The following CACNA1D variants were observed in gnomAD, a reference collection of about 807,000 sequenced individuals.
CACNA1D encodes the protein calcium voltage-gated channel subunit alpha1 D, also known as voltage-dependent L-type calcium channel subunit alpha-1D.
CACNA1D carries 55 observed loss-of-function variants against 257.1 expected under a neutral mutation model. The ratio of observed to expected loss-of-function variants is 0.21; its 90% confidence interval spans 0.17 to 0.27. The LOEUF (loss-of-function observed/expected upper bound fraction) is 0.27. Among genes scored for constraint, CACNA1D ranks in the 10% least tolerant of loss-of-function variants. CACNA1D has a pLI of 1.00. For synonymous variants in CACNA1D, 980 were observed against 1,014.9 expected (o/e 0.97, Z 0.65); for missense variants, 1,876 against 2,784.0 (o/e 0.67, Z 7.34).
intron 3 of CACNA1D, among the ~76,000 whole-genome samples, chr3:53,549,200 A>T (rs1271941342): frequency 6.6e-6 from 1 of 152,206 alleles, no homozygotes; most frequent in African/African-American, 2.4e-5. Context: ...GGCTGAGTAT[A>T]GTAGGCATTT....
At chr3:53,740,798 CT>C (rs1406589980) in intron 21 of CACNA1D, among the ~76,000 whole-genome samples, 1 of 152,128 alleles carries the variant, frequency 6.6e-6, no homozygotes, top group Non-Finnish European at 1.5e-5. Flanking sequence ...TATGTGTGAA[CT>C]TTTTTCCACC....
chr3:53,541,139 A>G (rs368052246), intron 3 of CACNA1D, among the ~76,000 whole-genome samples: 3 of 152,208 alleles, frequency 2.0e-5, no homozygotes, highest in East Asian at 3.8e-4. Flanking sequence ...TTTTGCGAGT[A>G]CATCTATAAA....
chr3:53,774,716 G>T lies in CACNA1D; in HGVS notation c.4202+38G>T. ...GGCTTGGGCGGTGCTCCTGGGCAGG[G>T]GGGTCCGCTAGGCGTGGGTCCAGAG... On this transcript the variant is annotated intron_variant, in intron 34 of 47. Transcript: ENST00000350061. This position sits in a 1 kb window ranked among gnomAD's most constrained non-coding sequence, Gnocchi z 4.3. 1.6e-6 allele frequency: 2 copies of T among 1,253,256 alleles called. No individual in the cohort carries two copies. Among genetic ancestry groups the T allele is most frequent in the Non-Finnish European group, 2.4e-6 (2 of 850,612 alleles). The allele number at this position is 1,253,256 out of a possible 1,614,324, so 77.6% of individuals were successfully genotyped here.
rs115568933 is a variant in CACNA1D, at chr3:53,601,140, G to A, written c.484-49639G>A. On this transcript the variant is annotated intron_variant, in intron 3 of 47. Coordinates refer to ENST00000350061, the MANE Select transcript of CACNA1D (RefSeq NM_001128840.3). ...AATGCCTGTGCCCCCTTCGGAGACC[G>A]GTGCCACTTTCAGGCTGTGTGCATG... Among the ~76,000 whole-genome samples, 641 of 152,194 alleles carry A rather than the reference G, an allele frequency of 4.2e-3. 2 individuals are homozygous for A. Among genetic ancestry groups the A allele is most frequent in the Middle Eastern group, 6.8e-3 (2 of 294 alleles).
intron 3 of CACNA1D, among the ~76,000 whole-genome samples, chr3:53,623,965 G>C (rs3774481): frequency 4.5e-4 from 68 of 152,134 alleles, no homozygotes; most frequent in African/African-American, 1.6e-3. Flanking sequence ...AAAATATACA[G>C]AGTTCTGGCT....
At chr3:53,523,536 C>T (rs1304805570) in intron 3 of CACNA1D, among the ~76,000 whole-genome samples, 3 of 152,216 alleles carry the variant, frequency 2.0e-5, no homozygotes, top group Non-Finnish European at 2.9e-5. Context: ...GCCTCTGGCG[C>T]TTCGCCATAG....
chr3:53,497,381 C>T lies in CACNA1D; in HGVS notation c.297C>T (p.Asn99=). Residue 99 remains asparagine (N), a synonymous_variant, in exon 2 of 48, where the codon AAC becomes AAT. Coordinates refer to ENST00000350061, the MANE Select transcript of CACNA1D (RefSeq NM_001128840.3). ...AKSKKQGNSS[N]SRPARALFCL... The stretch of plus-strand genomic sequence containing the variant: ...GCAAAAAACAGGGTAACTCGTCCAA[C>T]AGCCGACCTGCCCGCGCCCTTTTCT... 1.2e-6 allele frequency: 2 copies of T among 1,614,252 alleles called. No individual in the cohort carries two copies. The highest frequency in any genetic ancestry group is 1.7e-6 in the Non-Finnish European group (2 of 1,180,046).
intron 3 of CACNA1D, among the ~76,000 whole-genome samples, chr3:53,571,104 T>C (rs1438323583): frequency 6.6e-6 from 1 of 152,164 alleles, no homozygotes; most frequent in Admixed American, 6.5e-5. Flanking sequence ...GGGCTTTGGG[T>C]CAAGGCAGGG....
At chr3:53,742,303 A>AT (rs996104913) in intron 21 of CACNA1D, among the ~76,000 whole-genome samples, 3 of 152,096 alleles carry the variant, frequency 2.0e-5, no homozygotes, top group African/African-American at 7.2e-5. Context: ...ATATTTTGCT[A>AT]TTTTTACTTT....
At chr3:53,593,781 A>G (rs1045580719) in intron 3 of CACNA1D, among the ~76,000 whole-genome samples, 9 of 152,158 alleles carry the variant, frequency 5.9e-5, no homozygotes, top group African/African-American at 1.4e-4. Context: ...CCCACTCCCA[A>G]CTAGCACGTG....
Position 53,666,263 on chromosome 3 carries a change from G to C in CACNA1D, c.920-76G>C, listed in dbSNP as rs2306867. ...GTAGGGTGTCCCGGGCTCTGGCAAG[G>C]GTTCTCACCTTCCGCTGGCTTGGAT... On this transcript the variant is annotated intron_variant, in intron 6 of 47. Coordinates refer to ENST00000350061, the MANE Select transcript of CACNA1D (RefSeq NM_001128840.3). 1,359 of 1,394,834 alleles carry C rather than the reference G, an allele frequency of 9.7e-4. 16 individuals carry two copies. The East Asian group carries it at 0.028, about 29-fold the overall frequency. 86.4% of individuals were successfully genotyped at this position (1,394,834 alleles called of 1,614,324 possible).
intron 8 of CACNA1D, among the ~76,000 whole-genome samples, chr3:53,697,937 C>A (rs1174504607): frequency 6.6e-6 from 1 of 152,096 alleles, no homozygotes; most frequent in Non-Finnish European, 1.5e-5. Context: ...CTCCAAAGTC[C>A]CCTGGTTCCT....
At chr3:53,698,681 T>C (rs2094593883) in intron 8 of CACNA1D, among the ~76,000 whole-genome samples, 1 of 152,352 alleles carries the variant, frequency 6.6e-6, no homozygotes, top group East Asian at 1.9e-4. Flanking sequence ...CACTCCAACC[T>C]TGATTCCTTT....
chr3:53,670,946 A>G (rs1576302007), intron 7 of CACNA1D, among the ~76,000 whole-genome samples: 2 of 152,186 alleles, frequency 1.3e-5, no homozygotes, highest in East Asian at 3.9e-4. Flanking sequence ...GAAGGGTTCA[A>G]TGGGAGCAAG....
At chr3:53,556,862 T>A (rs2092654195) in intron 3 of CACNA1D, among the ~76,000 whole-genome samples, 1 of 151,960 alleles carries the variant, frequency 6.6e-6, no homozygotes, top group East Asian at 1.9e-4. Context: ...GCTACAGGCA[T>A]GTACCACCAT....
At chr3:53,702,522 G>A (rs986518342) in intron 8 of CACNA1D, 119 bp from the exon 9 acceptor site, 2 of 918,522 alleles carry the variant, frequency 2.2e-6, no homozygotes, top group African/African-American at 1.6e-5. Context: ...CTGTGCTCAT[G>A]TGACTATACT....
At position 53,809,971 on chromosome 3, in the gene CACNA1D, T is replaced by C. The variant is rs924832460; in HGVS notation, c.5872-7T>C. 1 of 1,613,848 alleles carries C rather than the reference T, an allele frequency of 6.2e-7. No homozygotes were observed. Among genetic ancestry groups the C allele is most frequent in the Non-Finnish European group, 8.5e-7 (1 of 1,179,872 alleles). ...TCTGGTCTCCCAACAGTCCCCTCTT[T>C]CCTCAGATCATGGCAGTTGCCGGCC... On this transcript the variant is annotated splice_region_variant and splice_polypyrimidine_tract_variant and intron_variant, in intron 46 of 47. Coordinates refer to ENST00000350061, the MANE Select transcript of CACNA1D (RefSeq NM_001128840.3).
intron 3 of CACNA1D, among the ~76,000 whole-genome samples, chr3:53,545,802 G>T (rs1187287009): frequency 1.3e-5 from 2 of 152,200 alleles, no homozygotes; most frequent in Non-Finnish European, 2.9e-5. Context: ...TTGGGGCAGG[G>T]GGCAGGGAGG....
chr3:53,702,029 G>A (rs1208823259), intron 8 of CACNA1D, among the ~76,000 whole-genome samples: 1 of 152,156 alleles, frequency 6.6e-6, no homozygotes. Flanking sequence ...AGGGAGAACT[G>A]GGTTGTGGAG....
Sources: allele counts gnomAD v4.1 joint callset (sites outside exome capture counted in the v4.1 genomes callset), GRCh38; gene constraint gnomAD v4.1.1; non-coding constraint Gnocchi (gnomAD v3.1); transcripts MANE v1.5; gene names NCBI Gene and HGNC (gene_info 2026-07-23, HGNC 2026-07-21).